Variants in RAB6B observed in about 807,000 individuals in gnomAD.
RAB6B encodes the protein ras-related protein Rab-6B.
Under a neutral mutation model 31.2 loss-of-function variants are expected in RAB6B, and 7 were observed. The ratio of observed to expected loss-of-function variants is 0.22; its 90% CI spans 0.13 to 0.42. The LOEUF is 0.42. Ranked by LOEUF, RAB6B falls within the 10% of genes least tolerant of loss-of-function variation. RAB6B has a pLI of 1.00. For missense variants in RAB6B, 149 were observed against 280.6 expected (o/e 0.53, Z 3.35); for synonymous variants, 105 against 104.9 (o/e 1.00, Z -0.01).
intron 1 of RAB6B, among the ~76,000 whole-genome samples, chr3:133,881,530 C>T (rs1936466427): frequency 6.6e-6 from 1 of 152,326 alleles, no homozygotes; most frequent in East Asian, 1.9e-4. Context: ...CACACTAATG[C>T]CTGGAGGCCC....
At chr3:133,850,975 T>C (rs1169973326) in intron 2 of RAB6B, among the ~76,000 whole-genome samples, 1 of 119,654 alleles carries the variant, frequency 8.4e-6, no homozygotes, top group African/African-American at 3.2e-5. Context: ...TGGAAAAAAA[T>C]GGAAGCTAGA....
chr3:133,880,227 T>C (rs1936447296), intron 1 of RAB6B, among the ~76,000 whole-genome samples: 1 of 152,246 alleles, frequency 6.6e-6, no homozygotes, highest in Admixed American at 6.5e-5. Flanking sequence ...AAGTAATGTA[T>C]ATGCTTTAAT....
chr3:133,889,426 ATATATATATATATATATATT>A (rs1163580367), intron 1 of RAB6B, among the ~76,000 whole-genome samples: 15 of 63,948 alleles, frequency 2.3e-4, no homozygotes, highest in African/African-American at 8.0e-4. Context: ...ATATATATAT[ATATATATATATATATATATT>A]TATTTTGGGA....
At chr3:133,873,533 C>G (rs1936353923) in intron 1 of RAB6B, among the ~76,000 whole-genome samples, 1 of 152,218 alleles carries the variant, frequency 6.6e-6, no homozygotes, top group African/African-American at 2.4e-5. Flanking sequence ...CCAGCCGCCA[C>G]AGAGGAGGGC....
At chr3:133,840,983 A>G (rs1404243696) in intron 4 of RAB6B, among the ~76,000 whole-genome samples, 1 of 152,132 alleles carries the variant, frequency 6.6e-6, no homozygotes, top group African/African-American at 2.4e-5. Flanking sequence ...GAGAGGCTGG[A>G]GCAGGGCCAA....
chr3:133,834,063 G>A (rs1023794642), intron 7 of RAB6B, among the ~76,000 whole-genome samples: 1 of 152,156 alleles, frequency 6.6e-6, no homozygotes, highest in Non-Finnish European at 1.5e-5. Context: ...GGGCTGGTTT[G>A]TGGGTGATGC....
At position 133,828,723 on chromosome 3, in the gene RAB6B, G is replaced by A; in HGVS notation, c.*65C>T. The A allele has an allele frequency of 6.9e-7, 1 of 1,443,468 alleles. No homozygotes were observed. Among genetic ancestry groups the A allele is most frequent in the Non-Finnish European group, 9.6e-7 (1 of 1,045,912 alleles). The allele number at this position is 1,443,468 out of a possible 1,614,324, so 89.4% of individuals were successfully genotyped here. ...ACTCGGTTCCCTCCCCCCTTAGGAA[G>A]CTAGCCAATAGGAAGCAACACAACA... On this transcript the variant is annotated 3_prime_UTR_variant, in exon 8 of 8. Transcript: ENST00000285208.
Position 133,837,504 on chromosome 3 carries a change from C to A in RAB6B, c.495+662G>T, listed in dbSNP as rs545429312. Among the ~76,000 whole-genome samples the A allele has an allele frequency of 4.9e-4, 75 of 152,296 alleles. 4 individuals carry two copies. The highest frequency in any genetic ancestry group is 1.8e-3 in the African/African-American group (73 of 41,562). ...CTGCTAATGTGACTGAGTGTCATTG[C>A]CTACATTCATCATTGAAGGACAAAT... On this transcript the variant is annotated intron_variant, in intron 6 of 7. Transcript: ENST00000285208.
chr3:133,848,675 A>G (rs1248190092), intron 2 of RAB6B, among the ~76,000 whole-genome samples: 1 of 152,064 alleles, frequency 6.6e-6, no homozygotes, highest in Non-Finnish European at 1.5e-5. Flanking sequence ...CGATGGTACC[A>G]CCCACTCCTG....
intron 1 of RAB6B, among the ~76,000 whole-genome samples, chr3:133,866,302 GC>G (rs755002076): frequency 1.3e-5 from 2 of 152,236 alleles, no homozygotes. Flanking sequence ...GCAGCTCCTG[GC>G]CCAGGGTCAG....
At chr3:133,857,747 CTCT>C (rs1049164834) in intron 2 of RAB6B, among the ~76,000 whole-genome samples, 12 of 152,338 alleles carry the variant, frequency 7.9e-5, no homozygotes, top group African/African-American at 2.2e-4. Context: ...TCCCACTGGA[CTCT>C]TCCTTTTTCT....
chr3:133,891,591 A>G (rs1274013579), intron 1 of RAB6B, among the ~76,000 whole-genome samples: 1 of 152,102 alleles, frequency 6.6e-6, no homozygotes, highest in African/African-American at 2.4e-5. Context: ...CTGTGCTCCC[A>G]GTGGACTATA....
At position 133,827,746 on chromosome 3, in the gene RAB6B, A is replaced by ACACCCCCCCCCCCCCCCCC; in HGVS notation, c.*1041_*1042insGGGGGGGGGGGGGGGGGTG. On this transcript the variant is annotated 3_prime_UTR_variant, in exon 8 of 8. Coordinates refer to ENST00000285208, the MANE Select transcript of RAB6B (RefSeq NM_016577.4). The stretch of plus-strand genomic sequence containing the variant: ...TCAAGGTGGTGGTTCTGCAGACAAC[A>ACACCCCCCCCCCCCCCCCC]CCCCCCCCCCCCCCCGCCTCCCCAT... The ACACCCCCCCCCCCCCCCCC allele has an allele frequency of 1.4e-5, 1 of 72,114 alleles. No individual in the cohort carries two copies. The highest frequency in any genetic ancestry group is 2.7e-5 in the Non-Finnish European group (1 of 36,596). The allele number at this position is 72,114 out of a possible 1,614,324, so 4.5% of individuals were successfully genotyped here. A position where few individuals can be genotyped will look rare whatever the true frequency, so the allele number is the denominator to read the frequency against.
intron 1 of RAB6B, among the ~76,000 whole-genome samples, chr3:133,891,496 C>A (rs1014204958): frequency 6.6e-6 from 1 of 152,168 alleles, no homozygotes; most frequent in Non-Finnish European, 1.5e-5. Context: ...GCGGGTCAGG[C>A]GCCCCTGCTC....
At chr3:133,867,966 G>C (rs1049489227) in intron 1 of RAB6B, among the ~76,000 whole-genome samples, 1 of 152,122 alleles carries the variant, frequency 6.6e-6, no homozygotes. Flanking sequence ...ACTTCTGCCA[G>C]GGTAATGTGT....
At chr3:133,850,965 T>C (rs1427192850) in intron 2 of RAB6B, among the ~76,000 whole-genome samples, 1 of 143,992 alleles carries the variant, frequency 6.9e-6, no homozygotes, top group Non-Finnish European at 1.5e-5. Context: ...GCTGCCATAC[T>C]GGAAAAAAAT....
intron 1 of RAB6B, among the ~76,000 whole-genome samples, chr3:133,867,380 C>T (rs1390344117): frequency 1.3e-5 from 2 of 152,208 alleles, no homozygotes; most frequent in South Asian, 2.1e-4. Flanking sequence ...AGACGTGGCA[C>T]CTGCCCACTG....
intron 4 of RAB6B, among the ~76,000 whole-genome samples, 171 bp from the exon 5 acceptor site, chr3:133,839,788 G>T (rs1935794251): frequency 1.3e-5 from 2 of 152,196 alleles, no homozygotes; most frequent in African/African-American, 4.8e-5. Context: ...CCTTTCAGAG[G>T]GAACCGGGCC....
At chr3:133,873,234 T>C (rs1341162671) in intron 1 of RAB6B, among the ~76,000 whole-genome samples, 1 of 152,192 alleles carries the variant, frequency 6.6e-6, no homozygotes, top group Non-Finnish European at 1.5e-5. Flanking sequence ...ACTAAGATTC[T>C]AGACAGGAGT....
Sources: allele counts gnomAD v4.1 joint callset (sites outside exome capture counted in the v4.1 genomes callset), GRCh38; gene constraint gnomAD v4.1.1; transcripts MANE v1.5; gene names NCBI Gene and HGNC (gene_info 2026-07-23, HGNC 2026-07-21).